Variants in CACNA1E observed in about 807,000 individuals in gnomAD.
CACNA1E encodes voltage-dependent R-type calcium channel subunit alpha-1E.
A neutral mutation model predicts 259.2 loss-of-function variants in CACNA1E; 40 were observed. That is an observed-to-expected ratio of 0.15 (90% CI 0.12 to 0.20). The LOEUF (loss-of-function observed/expected upper bound fraction) is 0.20. Among genes scored for constraint, CACNA1E ranks in the 10% least tolerant of loss-of-function variants. The pLI, the probability that CACNA1E is intolerant of heterozygous loss-of-function variation, is 1.00. For synonymous variants in CACNA1E, 1,104 were observed against 1,138.5 expected (o/e 0.97, Z 0.61); for missense variants, 1,874 against 3,040.1 (o/e 0.62, Z 9.02).
At chr1:181,725,587 G>T (rs1050082973) in intron 17 of CACNA1E, among the ~76,000 whole-genome samples, 1 of 152,222 alleles carries the variant, frequency 6.6e-6, no homozygotes, top group Non-Finnish European at 1.5e-5. Context: ...TGAGATCTTG[G>T]CCTAAGCACC....
chr1:181,537,703 G>A (rs1211233217), intron 3 of CACNA1E, among the ~76,000 whole-genome samples: 5 of 152,176 alleles, frequency 3.3e-5, no homozygotes, highest in Non-Finnish European at 7.3e-5. Context: ...GTGATTCTCA[G>A]TTAATATTTG....
At chr1:181,555,183 A>C (rs770631429) in intron 3 of CACNA1E, among the ~76,000 whole-genome samples, 3 of 152,172 alleles carry the variant, frequency 2.0e-5, no homozygotes, top group Non-Finnish European at 4.4e-5. Context: ...TCCCCCTTTT[A>C]GATTTTTAAA....
chr1:181,727,229 G>A (rs1169744234), intron 18 of CACNA1E, among the ~76,000 whole-genome samples: 1 of 152,228 alleles, frequency 6.6e-6, no homozygotes, highest in Non-Finnish European at 1.5e-5. Context: ...GCTGAGGACA[G>A]AGGCTGACAG....
At chr1:181,791,611 T>G (rs1661316823) in intron 44 of CACNA1E, among the ~76,000 whole-genome samples, 1 of 152,228 alleles carries the variant, frequency 6.6e-6, no homozygotes, top group African/African-American at 2.4e-5. Flanking sequence ...TTTACCATTA[T>G]TCCTAGTTCA....
chr1:181,330,336 C>T (rs1651161113), intron 1 of CACNA1E, among the ~76,000 whole-genome samples: 1 of 152,156 alleles, frequency 6.6e-6, no homozygotes, highest in African/African-American at 2.4e-5. Flanking sequence ...CCCCCTCTCC[C>T]CTTCTTCTCT....
intron 3 of CACNA1E, among the ~76,000 whole-genome samples, chr1:181,555,873 G>A (rs1211843867): frequency 6.6e-6 from 1 of 152,210 alleles, no homozygotes; most frequent in Non-Finnish European, 1.5e-5. Flanking sequence ...TGAAAGGCAT[G>A]CAGCCTTTCT....
At chr1:181,374,386 G>GTT (rs112064693) in intron 1 of CACNA1E, among the ~76,000 whole-genome samples, 13 of 138,470 alleles carry the variant, frequency 9.4e-5, no homozygotes, top group African/African-American at 2.9e-4. Flanking sequence ...ATTATTTTAT[G>GTT]TTTTTTTTTT....
intron 2 of CACNA1E, among the ~76,000 whole-genome samples, chr1:181,433,416 T>C (rs1469236858): frequency 6.6e-6 from 1 of 152,238 alleles, no homozygotes; most frequent in Non-Finnish European, 1.5e-5. Flanking sequence ...CTCCCATTCC[T>C]GCTCTGTCTA....
At chr1:181,785,878 G>A in intron 43 of CACNA1E, 59 bp downstream of exon 43, 1 of 1,114,288 alleles carries the variant, frequency 9.0e-7, no homozygotes, top group Non-Finnish European at 1.3e-6. Context: ...CCATGCTGTT[G>A]TGCAGACCCC....
At chr1:181,659,340 G>T (rs888964123) in intron 7 of CACNA1E, among the ~76,000 whole-genome samples, 1 of 152,208 alleles carries the variant, frequency 6.6e-6, no homozygotes, top group Non-Finnish European at 1.5e-5. Flanking sequence ...ATTTAAAGAG[G>T]AAGTATGGAT....
intron 1 of CACNA1E, among the ~76,000 whole-genome samples, chr1:181,351,749 T>A (rs896487723): frequency 6.6e-6 from 1 of 152,216 alleles, no homozygotes. Flanking sequence ...TCTGTTGTCA[T>A]ATCTCCCTCT....
chr1:181,555,112 G>A (rs1048413970), intron 3 of CACNA1E, among the ~76,000 whole-genome samples: 1 of 152,144 alleles, frequency 6.6e-6, no homozygotes, highest in East Asian at 1.9e-4. Flanking sequence ...TATTTAAAAT[G>A]GTTAAGTGTT....
At chr1:181,508,924 T>G (rs1422251772) in intron 1 of CACNA1E, among the ~76,000 whole-genome samples, 2 of 152,090 alleles carry the variant, frequency 1.3e-5, no homozygotes, top group Admixed American at 1.3e-4. Context: ...AGGCCAGGTC[T>G]GTTTTTAGTT....
At position 181,733,526 on chromosome 1, in the gene CACNA1E, T is replaced by A; in HGVS notation, c.3038T>A (p.Leu1013Gln). Residue 1013 changes from leucine to glutamine, a missense_variant, in exon 21 of 48, where the codon CTG (leucine) becomes CAG (glutamine). By Grantham distance (113) the Leu-to-Gln change is moderately radical. Around this residue, in one of 14 missense-constraint regions of CACNA1E, gnomAD observed 476 missense variants for 514.0 expected, o/e 0.93. Transcript: ENST00000367573. ...DTPLVLPHPE[L>Q]EVGKHVVLTE... ...CCCCTAGTCCTGCCCCATCCTGAGC[T>A]GGAAGTGGGGAAGCACGTGGTGCTG... is the stretch of plus-strand genomic sequence containing the variant. The A allele has an allele frequency of 6.2e-7, 1 of 1,610,730 alleles. No individual in the cohort carries two copies. The highest frequency in any genetic ancestry group is 8.5e-7 in the Non-Finnish European group (1 of 1,178,206).
chr1:181,794,832 C>A (rs745952643), intron 45 of CACNA1E, 32 bp from the exon 46 acceptor site: 1 of 1,586,520 alleles, frequency 6.3e-7, no homozygotes, highest in African/African-American at 1.4e-5. Flanking sequence ...TTAATCCATA[C>A]CTTGTGTTTC....
chr1:181,472,716 C>T (rs565782822), intron 2 of CACNA1E, among the ~76,000 whole-genome samples: 7 of 152,276 alleles, frequency 4.6e-5, no homozygotes, highest in South Asian at 2.1e-4. Context: ...TTTAGATGCA[C>T]GCGTGCGTGT....
intron 6 of CACNA1E, among the ~76,000 whole-genome samples, chr1:181,647,851 G>A (rs1025503713): frequency 2.6e-5 from 4 of 152,184 alleles, no homozygotes; most frequent in Non-Finnish European, 5.9e-5. Context: ...GGGAGTGGAA[G>A]CCAGTTGGCC....
At chr1:181,576,889 C>T (rs1651032919) in intron 3 of CACNA1E, among the ~76,000 whole-genome samples, 1 of 152,094 alleles carries the variant, frequency 6.6e-6, no homozygotes, top group Admixed American at 6.5e-5. Flanking sequence ...CACGATACCC[C>T]CTTATTTTAG....
intron 25 of CACNA1E, among the ~76,000 whole-genome samples, chr1:181,744,294 T>A (rs1376874823): frequency 6.6e-6 from 1 of 152,184 alleles, no homozygotes; most frequent in Non-Finnish European, 1.5e-5. Context: ...AATTTTAGAT[T>A]TGGAAGGATC....
Sources: allele counts gnomAD v4.1 joint callset (sites outside exome capture counted in the v4.1 genomes callset), GRCh38; gene constraint gnomAD v4.1.1; regional missense constraint gnomAD v4.1.1; transcripts MANE v1.5; gene names NCBI Gene and HGNC (gene_info 2026-07-23, HGNC 2026-07-21).